The following CCN6 variants were observed in gnomAD, a reference collection of about 807,000 sequenced individuals.
The protein encoded by CCN6 is cellular communication network factor 6.
A neutral mutation model predicts 37.4 loss-of-function variants in CCN6; 31 were observed. The ratio of observed to expected loss-of-function variants is 0.83; its 90% CI spans 0.62 to 1.12. The LOEUF (loss-of-function observed/expected upper bound fraction) is 1.12, where lower values mean the gene tolerates loss of function less well. Ranked by LOEUF, CCN6 falls within the 50% of genes most tolerant of loss-of-function variation. The pLI, the probability that CCN6 is intolerant of heterozygous loss-of-function variation, is 0.00. For synonymous variants in CCN6, 137 were observed against 142.1 expected (o/e 0.96, Z 0.26); for missense variants, 369 against 413.8 (o/e 0.89, Z 0.94).
At chr6:112,058,952 G>A (rs942043662) in intron 1 of CCN6, among the ~76,000 whole-genome samples, 1 of 152,182 alleles carries the variant, frequency 6.6e-6, no homozygotes, top group Non-Finnish European at 1.5e-5. Flanking sequence ...CAGGGGGAGG[G>A]TACTTGTAGA....
chr6:112,056,745 C>A (rs149132153), intron 1 of CCN6, among the ~76,000 whole-genome samples: 2 of 152,184 alleles, frequency 1.3e-5, no homozygotes, highest in South Asian at 2.1e-4. Context: ...TTGAACTCCC[C>A]GCCTCAAGTG....
At chr6:112,062,073 C>T (rs1776541671) in intron 2 of CCN6, among the ~76,000 whole-genome samples, 1 of 152,132 alleles carries the variant, frequency 6.6e-6, no homozygotes, top group Non-Finnish European at 1.5e-5. Context: ...GCTTGATAGC[C>T]TGATGCCCCT....
chr6:112,059,471 C>T (rs587645148), intron 1 of CCN6, among the ~76,000 whole-genome samples: 13 of 152,298 alleles, frequency 8.5e-5, no homozygotes, highest in Admixed American at 4.6e-4. Context: ...ATTTCAGCAA[C>T]GGCATCGCTC....
At chr6:112,053,473 CT>C (rs1308722373), upstream of CCN6, among the ~76,000 whole-genome samples, 610 of 139,556 alleles carry the variant, frequency 4.4e-3, no homozygotes, top group African/African-American at 4.6e-3. Context: ...ATTTTTGTGT[CT>C]TTTTTTTTTT....
rs1554313630 is a variant in CCN6, at chr6:112,064,969, G to A, written c.561G>A (p.Gln187=). The A allele has an allele frequency of 6.2e-7, 1 of 1,614,012 alleles. No homozygotes were observed. The highest frequency in any genetic ancestry group is 1.3e-5 in the African/African-American group (1 of 75,026). The part of the protein sequence containing the change: ...SNCSLEPLLQ[Q]LSTSYKTMPA... ...GTAGCCTGGAACCATTACTACAGCA[G>A]CTTTCAACAAGCTACAAAACAATGC... Residue 187 remains glutamine, a synonymous_variant, in exon 3 of 5, where the codon CAG becomes CAA. Transcript: ENST00000368666.
chr6:112,053,870 G>T (rs1428447602), upstream of CCN6, among the ~76,000 whole-genome samples: 7 of 149,564 alleles, frequency 4.7e-5, 1 homozygote, highest in Non-Finnish European at 7.4e-5. Flanking sequence ...GTTGGTGGGG[G>T]GGCCAGGCCT....
intron 1 of CCN6, among the ~76,000 whole-genome samples, chr6:112,055,159 G>C (rs1347937141): frequency 2.0e-5 from 3 of 152,174 alleles, no homozygotes; most frequent in African/African-American, 7.2e-5. Context: ...TAGTTGATTG[G>C]GGCCATAAGT....
At chr6:112,053,845 G>T (rs1554311205), upstream of CCN6, among the ~76,000 whole-genome samples, 1 of 142,896 alleles carries the variant, frequency 7.0e-6, no homozygotes, top group African/African-American at 2.6e-5. Context: ...CCAGGGCTAG[G>T]CTGCGATGGG....
chr6:112,060,686 T>C (rs1022291942), intron 1 of CCN6, among the ~76,000 whole-genome samples: 9 of 152,008 alleles, frequency 5.9e-5, no homozygotes, highest in Non-Finnish European at 1.0e-4. Flanking sequence ...AGAGGCCTTA[T>C]CCATGGGGCT....
chr6:112,067,097 T>A, intron 3 of CCN6: 2 of 1,229,694 alleles, frequency 1.6e-6, no homozygotes, highest in Non-Finnish European at 2.2e-6. Flanking sequence ...TCTACTGTCA[T>A]AACACTGAAA....
rs1246574714 is a variant in CCN6, at chr6:112,063,549, C to T, written c.347-1206C>T. On this transcript the variant is annotated intron_variant, in intron 2 of 4. Transcript: ENST00000368666. ...CTAAAAAAAATCACATTAATATCAT[C>T]CTCACCAGAAAAGTCTACATATTGG... Among the ~76,000 whole-genome samples the T allele has an allele frequency of 4.6e-5, 7 of 152,272 alleles. No individual in the cohort carries two copies. In the South Asian group the frequency reaches 6.2e-4, roughly 14 times the overall value.
chr6:112,053,985 T>C, upstream of CCN6: 1 of 423,532 alleles, frequency 2.4e-6, no homozygotes. Context: ...GGGAATGACG[T>C]GGGACCCCAC....
At chr6:112,069,296 T>C in intron 4 of CCN6, 43 bp from the exon 5 acceptor site, 1 of 1,589,064 alleles carries the variant, frequency 6.3e-7, no homozygotes, top group South Asian at 1.1e-5. Flanking sequence ...AAAACTATTG[T>C]AATAAAATTT....
At chr6:112,057,437 C>T (rs587673165) in intron 1 of CCN6, among the ~76,000 whole-genome samples, 3 of 152,262 alleles carry the variant, frequency 2.0e-5, no homozygotes, top group Admixed American at 6.5e-5. Context: ...TACTTAGTAG[C>T]AATGAAATGG....
At position 112,054,296 on chromosome 6, in the gene CCN6, C is replaced by T. The variant is rs978476447; in HGVS notation, c.-62C>T. 1 of 1,613,678 alleles carries T rather than the reference C, an allele frequency of 6.2e-7. No homozygotes were observed. The highest frequency in any genetic ancestry group is 8.5e-7 in the Non-Finnish European group (1 of 1,179,806). On this transcript the variant is annotated 5_prime_UTR_variant, in exon 1 of 5. Coordinates refer to ENST00000368666, the MANE Select transcript of CCN6 (RefSeq NM_198239.2). ...GAGGAGACAGGGGAGCTTTGTGTAC[C>T]CGGAGCAATGAACAAGCGGCGACTT...
At chr6:112,057,406 G>C (rs1323306081) in intron 1 of CCN6, among the ~76,000 whole-genome samples, 2 of 152,222 alleles carry the variant, frequency 1.3e-5, no homozygotes, top group Admixed American at 6.5e-5. Flanking sequence ...AGGTCAGTCA[G>C]GAACTCGTAG....
chr6:112,061,260 G>A lies in CCN6; in HGVS notation c.318G>A (p.Arg106=). ...KGLYCDYSVD[R]PRYETGVCAY... ...TGTATTGTGACTACTCAGTAGACAG[G>A]CCTAGGTACGAGACTGGAGTGTGTG... Residue 106 remains arginine (R), a synonymous_variant, in exon 2 of 5, where the codon AGG becomes AGA. Coordinates refer to ENST00000368666, the MANE Select transcript of CCN6 (RefSeq NM_198239.2). The A allele has an allele frequency of 6.2e-7, 1 of 1,614,206 alleles. No homozygotes were observed. Among genetic ancestry groups the A allele is most frequent in the South Asian group, 1.1e-5 (1 of 91,088 alleles).
intron 3 of CCN6, among the ~76,000 whole-genome samples, chr6:112,067,857 G>A (rs1776744721): frequency 6.6e-6 from 1 of 152,074 alleles, no homozygotes; most frequent in African/African-American, 2.4e-5. Flanking sequence ...TAGAAATGAT[G>A]AGGCAAGAAC....
chr6:112,057,413 G>A lies in CCN6; in HGVS notation c.48+3008G>A, dbSNP rs781859470. 1.2e-4 allele frequency among the ~76,000 whole-genome samples: 18 copies of A among 152,334 alleles called. No individual in the cohort carries two copies. The East Asian group carries it at 2.5e-3, about 21-fold the overall frequency. ...AGGGAGGAAGGTCAGTCAGGAACTCGTAGTGACGGTGCTTACTTAGTAGCA... is the reference window on the plus strand; with the variant it reads ...AGGGAGGAAGGTCAGTCAGGAACTCATAGTGACGGTGCTTACTTAGTAGCA... On this transcript the variant is annotated intron_variant, in intron 1 of 4. Coordinates refer to ENST00000368666, the MANE Select transcript of CCN6 (RefSeq NM_198239.2).
Sources: gnomAD v4.1 joint callset for allele counts (sites outside exome capture counted in the v4.1 genomes callset) on GRCh38, gnomAD v4.1.1 for gene constraint, MANE v1.5 for transcripts, NCBI Gene and HGNC (gene_info 2026-07-23, HGNC 2026-07-21) for gene names.